Variants in ADARB2 observed in about 807,000 individuals in gnomAD.
ADARB2 encodes adenosine deaminase RNA specific B2 (inactive).
Under a neutral mutation model 62.2 loss-of-function variants are expected in ADARB2, and 25 were observed. The ratio of observed to expected loss-of-function variants is 0.40; its 90% CI spans 0.29 to 0.56. The LOEUF is 0.56. Among genes scored for constraint, ADARB2 ranks in the 20% least tolerant of loss-of-function variants. The probability of loss-of-function intolerance (pLI) is 0.43; values close to 1 mark genes in which losing one functional copy is unlikely to be tolerated. For missense variants in ADARB2, 1,071 were observed against 1,077.4 expected (o/e 0.99, Z 0.08); for synonymous variants, 572 against 500.8 (o/e 1.14, Z -1.90).
intron 1 of ADARB2, among the ~76,000 whole-genome samples, chr10:1,591,430 C>T (rs779970456): frequency 6.6e-5 from 10 of 152,156 alleles, no homozygotes; most frequent in African/African-American, 1.7e-4. Flanking sequence ...GCATTATTGG[C>T]GAATGCCTGG....
intron 1 of ADARB2, among the ~76,000 whole-genome samples, chr10:1,415,377 A>T (rs1449630493): frequency 1.3e-5 from 2 of 152,026 alleles, no homozygotes; most frequent in East Asian, 3.8e-4. Flanking sequence ...AGATGGGTGG[A>T]TATAAGAAAG....
chr10:1,716,529 C>G (rs905879853), intron 1 of ADARB2, among the ~76,000 whole-genome samples: 1 of 152,190 alleles, frequency 6.6e-6, no homozygotes, highest in African/African-American at 2.4e-5. Context: ...ATTAATGTAT[C>G]ATTCCCTCCA....
chr10:1,430,529 A>G (rs1293055866), intron 1 of ADARB2, among the ~76,000 whole-genome samples: 1 of 152,238 alleles, frequency 6.6e-6, no homozygotes, highest in East Asian at 1.9e-4. Context: ...ACAATGACAT[A>G]TATGGATTGA....
chr10:1,541,978 T>C (rs867293568), intron 1 of ADARB2, among the ~76,000 whole-genome samples: 200 of 12,578 alleles, frequency 0.016, no homozygotes, highest in African/African-American at 0.021. Flanking sequence ...CCGTCCAGAC[T>C]CCACTCAGAC....
chr10:1,609,559 C>T (rs893280736), intron 1 of ADARB2, among the ~76,000 whole-genome samples: 1 of 152,272 alleles, frequency 6.6e-6, no homozygotes, highest in African/African-American at 2.4e-5. Flanking sequence ...GGTCCTAAGC[C>T]AGGGCATCAG....
At chr10:1,651,030 T>C (rs969211459) in intron 1 of ADARB2, among the ~76,000 whole-genome samples, 44 of 152,138 alleles carry the variant, frequency 2.9e-4, no homozygotes, top group African/African-American at 1.0e-3. Context: ...TGTGCCAAGG[T>C]GAACACACAA....
intron 1 of ADARB2, among the ~76,000 whole-genome samples, chr10:1,730,296 C>T (rs968424190): frequency 3.3e-5 from 5 of 152,182 alleles, no homozygotes; most frequent in African/African-American, 4.8e-5. Flanking sequence ...TGAGACGGTA[C>T]TTAACACCAA....
chr10:1,270,721 G>A lies in ADARB2; in HGVS notation c.1192+234C>T, dbSNP rs555084857. On this transcript the variant is annotated intron_variant, in intron 4 of 9. Coordinates refer to ENST00000381312, the MANE Select transcript of ADARB2 (RefSeq NM_018702.4). ...GGGCTGGCCAGGCCCCCCAGAGACG[G>A]GGGATGCCCAAGCAGAGCTGGGCCC... Among the ~76,000 whole-genome samples, 117 of 152,326 alleles carry A rather than the reference G, an allele frequency of 7.7e-4. 1 individual carries two copies. Among genetic ancestry groups the A allele is most frequent in the African/African-American group, 2.8e-3 (115 of 41,574 alleles).
At chr10:1,556,589 C>CT in intron 1 of ADARB2, 1 of 461,082 alleles carries the variant, frequency 2.2e-6, no homozygotes, top group South Asian at 1.6e-5. Flanking sequence ...TGAGCATTTG[C>CT]TTTTTTCTGT....
At chr10:1,298,869 A>C (rs1831548245) in intron 3 of ADARB2, among the ~76,000 whole-genome samples, 1 of 150,914 alleles carries the variant, frequency 6.6e-6, no homozygotes, top group African/African-American at 2.4e-5. Context: ...CCTCCCGAGA[A>C]GCTAGGACCA....
intron 1 of ADARB2, among the ~76,000 whole-genome samples, chr10:1,578,159 A>G (rs1484902129): frequency 5.9e-5 from 9 of 152,184 alleles, no homozygotes. Flanking sequence ...TAGGATGGAA[A>G]TTTGAACGAG....
Position 1,255,008 on chromosome 10 carries a change from GCA to G in ADARB2, c.1193-12711_1193-12710del, listed in dbSNP as rs1831067901. ...CCTCAGCACTTAGTTGTCAGGATAA[GCA>G]CAGTAATCACATACTCATTAATTTC... On this transcript the variant is annotated intron_variant, in intron 4 of 9. Transcript: ENST00000381312. This position sits in a 1 kb window ranked among gnomAD's most constrained non-coding sequence, Gnocchi z 4.7. Among the ~76,000 whole-genome samples the G allele has an allele frequency of 1.3e-5, 2 of 152,222 alleles. No homozygotes were observed. The highest frequency in any genetic ancestry group is 2.9e-5 in the Non-Finnish European group (2 of 68,032).
intron 1 of ADARB2, among the ~76,000 whole-genome samples, chr10:1,729,134 G>A (rs1479562300): frequency 6.6e-6 from 1 of 152,204 alleles, no homozygotes; most frequent in Non-Finnish European, 1.5e-5. Context: ...ATCTGTAGTA[G>A]TAACATTTAG....
intron 7 of ADARB2, among the ~76,000 whole-genome samples, chr10:1,213,816 C>T (rs1031166188): frequency 7.2e-5 from 11 of 152,206 alleles, no homozygotes; most frequent in Non-Finnish European, 1.5e-5. Context: ...CCTTGAGTGG[C>T]CACTGAGTGC....
chr10:1,693,596 A>G (rs1834700442), intron 1 of ADARB2, among the ~76,000 whole-genome samples: 1 of 152,248 alleles, frequency 6.6e-6, no homozygotes, highest in Admixed American at 6.5e-5. Flanking sequence ...GCAAACTCAC[A>G]GATGATAAAA....
At chr10:1,541,938 C>G (rs1832436223) in intron 1 of ADARB2, among the ~76,000 whole-genome samples, 1 of 24,754 alleles carries the variant, frequency 4.0e-5, no homozygotes, top group African/African-American at 1.6e-4. Context: ...CCAGACCCCA[C>G]TCAGACGCAG....
At chr10:1,286,647 C>G (rs1831416692) in intron 3 of ADARB2, among the ~76,000 whole-genome samples, 2 of 152,156 alleles carry the variant, frequency 1.3e-5, no homozygotes, top group East Asian at 3.9e-4. Context: ...GCTGCATGAC[C>G]ACTACGGGGC....
At chr10:1,638,246 T>C (rs938368090) in intron 1 of ADARB2, among the ~76,000 whole-genome samples, 2 of 152,240 alleles carry the variant, frequency 1.3e-5, no homozygotes, top group East Asian at 3.8e-4. Flanking sequence ...AAAATGTCAT[T>C]AACTCGTGAA....
At chr10:1,586,571 G>A (rs1260877018) in intron 1 of ADARB2, among the ~76,000 whole-genome samples, 1 of 152,198 alleles carries the variant, frequency 6.6e-6, no homozygotes, top group Non-Finnish European at 1.5e-5. Context: ...TCTCTGCCCC[G>A]AGGGGATCTG....
Sources: gnomAD v4.1 joint callset for allele counts (sites outside exome capture counted in the v4.1 genomes callset) on GRCh38, gnomAD v4.1.1 for gene constraint, Gnocchi (gnomAD v3.1) non-coding constraint, MANE v1.5 for transcripts, NCBI Gene and HGNC (gene_info 2026-07-23, HGNC 2026-07-21) for gene names.